The following FGF1 variants were observed in gnomAD, a reference collection of about 807,000 sequenced individuals.
FGF1 encodes beta-endothelial cell growth factor.
Under a neutral mutation model 13.4 loss-of-function variants are expected in FGF1, and 9 were observed. The ratio of observed to expected loss-of-function variants is 0.67; its 90% CI spans 0.40 to 1.17. The LOEUF (loss-of-function observed/expected upper bound fraction) is 1.17. Ranked by LOEUF, FGF1 falls within the 50% of genes most tolerant of loss-of-function variation. The probability of loss-of-function intolerance (pLI) is 0.01; values close to 1 mark genes in which losing one functional copy is unlikely to be tolerated. For synonymous variants in FGF1, 93 were observed against 79.0 expected (o/e 1.18, Z -0.94); for missense variants, 156 against 192.7 (o/e 0.81, Z 1.13).
chr5:142,690,899 G>A (rs1752108987), upstream of FGF1, among the ~76,000 whole-genome samples: 1 of 152,118 alleles, frequency 6.6e-6, no homozygotes, highest in African/African-American at 2.4e-5. Flanking sequence ...CTTGGTCCTA[G>A]CTCAGGGCCT....
intron 1 of FGF1, among the ~76,000 whole-genome samples, chr5:142,645,761 A>C (rs1765923891): frequency 6.6e-6 from 1 of 151,908 alleles, no homozygotes; most frequent in Non-Finnish European, 1.5e-5. Context: ...TTCTGTGTTA[A>C]TCTCACTCAG....
At chr5:142,662,661 A>G (rs941744775) in intron 1 of FGF1, among the ~76,000 whole-genome samples, 1 of 152,032 alleles carries the variant, frequency 6.6e-6, no homozygotes, top group Non-Finnish European at 1.5e-5. Context: ...TTCAGCACAT[A>G]TTTTCTGCAG....
At chr5:142,604,584 G>A (rs1757251590) in intron 2 of FGF1, among the ~76,000 whole-genome samples, 1 of 152,148 alleles carries the variant, frequency 6.6e-6, no homozygotes, top group African/African-American at 2.4e-5. Context: ...AGTGGGAGTT[G>A]TTGTAAGGGC....
At chr5:142,611,662 G>C (rs991692389) in intron 2 of FGF1, among the ~76,000 whole-genome samples, 1 of 152,142 alleles carries the variant, frequency 6.6e-6, no homozygotes, top group Non-Finnish European at 1.5e-5. Context: ...ACACGGATGG[G>C]CTTCTGGCCA....
chr5:142,629,988 G>A (rs989688163), intron 1 of FGF1, among the ~76,000 whole-genome samples: 42 of 151,288 alleles, frequency 2.8e-4, no homozygotes, highest in Admixed American at 2.5e-3. Context: ...CCGCCTGCCG[G>A]GTTCAAGTGA....
At chr5:142,652,462 C>T in intron 1 of FGF1, among the ~76,000 whole-genome samples, 1 of 152,162 alleles carries the variant, frequency 6.6e-6, no homozygotes, top group East Asian at 1.9e-4. Context: ...AGCGCTGATT[C>T]ATTACTTACT....
upstream of FGF1, among the ~76,000 whole-genome samples, chr5:142,690,511 T>A (rs1429659824): frequency 1.3e-5 from 2 of 152,204 alleles, no homozygotes; most frequent in Admixed American, 1.3e-4. Context: ...AAAACTGTCT[T>A]TGTACCCTGA....
chr5:142,611,767 G>C (rs1189423041), intron 2 of FGF1, among the ~76,000 whole-genome samples: 1 of 152,182 alleles, frequency 6.6e-6, no homozygotes, highest in Non-Finnish European at 1.5e-5. Flanking sequence ...CCGAGTGTTG[G>C]CAGAGAGATG....
intron 3 of FGF1, among the ~76,000 whole-genome samples, chr5:142,596,443 ATTTTTT>A (rs1381298854): frequency 7.9e-6 from 1 of 127,224 alleles, no homozygotes; most frequent in Non-Finnish European, 1.7e-5. Context: ...ATTCTCTACA[ATTTTTT>A]TTTTTTTAAT....
chr5:142,608,551 T>TAA (rs1758257798), intron 2 of FGF1, among the ~76,000 whole-genome samples: 26 of 63,308 alleles, frequency 4.1e-4, no homozygotes, highest in African/African-American at 2.0e-3. Context: ...TCTATATATA[T>TAA]ATATATATAT....
chr5:142,640,885 C>T (rs1166381170), intron 1 of FGF1, among the ~76,000 whole-genome samples: 1 of 151,976 alleles, frequency 6.6e-6, no homozygotes, highest in Non-Finnish European at 1.5e-5. Flanking sequence ...TCCTCGAAGG[C>T]AGGGATTGGA....
At chr5:142,669,718 C>T (rs1180531931) in intron 1 of FGF1, among the ~76,000 whole-genome samples, 3 of 152,090 alleles carry the variant, frequency 2.0e-5, no homozygotes, top group Non-Finnish European at 4.4e-5. Context: ...AGGCAGTGGA[C>T]GCGAGCTCTG....
At chr5:142,691,291 T>C (rs1490272500) in intron 2 of FGF1, among the ~76,000 whole-genome samples, 1 of 151,834 alleles carries the variant, frequency 6.6e-6, no homozygotes, top group African/African-American at 2.4e-5. Context: ...GCATGTTGGC[T>C]GGCGTCTGTA....
chr5:142,628,167 T>C (rs1176119105), intron 1 of FGF1, among the ~76,000 whole-genome samples: 3 of 152,190 alleles, frequency 2.0e-5, no homozygotes. Flanking sequence ...AAGAGATAAG[T>C]CTGCCTTGGT....
chr5:142,596,186 G>A (rs887399205), intron 3 of FGF1, among the ~76,000 whole-genome samples: 1 of 152,224 alleles, frequency 6.6e-6, no homozygotes, highest in African/African-American at 2.4e-5. Flanking sequence ...GATGCTACTT[G>A]TGGTCAGGCA....
intron 1 of FGF1, among the ~76,000 whole-genome samples, chr5:142,677,514 C>G (rs1245032945): frequency 2.0e-5 from 3 of 152,232 alleles, no homozygotes; most frequent in African/African-American, 7.2e-5. Flanking sequence ...TAAGCCAGAG[C>G]AGCTGACACA....
chr5:142,606,205 A>G lies in FGF1; in HGVS notation c.170-5400T>C, dbSNP rs1399837465. On this transcript the variant is annotated intron_variant, in intron 2 of 3. Transcript: ENST00000337706. ...CAAACAAAAGCACAAAATCTGCAAC[A>G]TTCTTTCTCTCTCTGTGTGTGTGTG... Among the ~76,000 whole-genome samples the G allele has an allele frequency of 2.9e-5, 3 of 101,746 alleles. No homozygotes were observed. The East Asian group carries it at 8.9e-4, about 30-fold the overall frequency. The allele number at this position is 101,746 out of a possible 152,430, so 66.7% of individuals were successfully genotyped here. A position where few individuals can be genotyped will look rare whatever the true frequency, so the allele number is the denominator to read the frequency against.
intron 2 of FGF1, among the ~76,000 whole-genome samples, chr5:142,605,352 T>C (rs1020768951): frequency 4.6e-5 from 7 of 151,226 alleles, no homozygotes; most frequent in Non-Finnish European, 1.0e-4. Flanking sequence ...AACTCCTGAC[T>C]TCAGGCGATC....
intron 1 of FGF1, among the ~76,000 whole-genome samples, chr5:142,624,455 C>T (rs1012118362): frequency 6.6e-6 from 1 of 152,208 alleles, no homozygotes; most frequent in African/African-American, 2.4e-5. Context: ...AGCACTGATG[C>T]ACTGCTCTCA....
Sources: allele counts gnomAD v4.1 joint callset (sites outside exome capture counted in the v4.1 genomes callset), GRCh38; gene constraint gnomAD v4.1.1; transcripts MANE v1.5; gene names NCBI Gene and HGNC (gene_info 2026-07-23, HGNC 2026-07-21).